The following ADAMTS19 variants were observed in gnomAD, a reference collection of about 807,000 sequenced individuals.
ADAMTS19 encodes ADAM metallopeptidase with thrombospondin type 1 motif 19.
ADAMTS19 carries 93 observed loss-of-function variants against 153.3 expected under a neutral mutation model. That is an observed-to-expected ratio of 0.61 (90% CI 0.51 to 0.72). The LOEUF (loss-of-function observed/expected upper bound fraction) is 0.72, where lower values mean the gene tolerates loss of function less well. Ranked by LOEUF, ADAMTS19 falls within the 30% of genes least tolerant of loss-of-function variation. ADAMTS19 has a pLI of 0.00. For missense variants in ADAMTS19, 1,482 were observed against 1,552.1 expected, an observed-to-expected ratio of 0.95 and a Z score of 0.76; for synonymous variants, 600 against 556.6, an observed-to-expected ratio of 1.08 and a Z score of -1.10.
At chr5:129,574,821 C>A (rs531138374) in intron 7 of ADAMTS19, among the ~76,000 whole-genome samples, 3 of 150,142 alleles carry the variant, frequency 2.0e-5, no homozygotes, top group South Asian at 2.1e-4. Flanking sequence ...AAGTTCCAAT[C>A]AGAAATCAGA....
chr5:129,551,162 G>A (rs1285061571), intron 6 of ADAMTS19, among the ~76,000 whole-genome samples: 1 of 151,574 alleles, frequency 6.6e-6, no homozygotes, highest in African/African-American at 2.4e-5. Flanking sequence ...CACATAGCTA[G>A]TAAGAGGTAG....
intron 2 of ADAMTS19, among the ~76,000 whole-genome samples, chr5:129,474,039 G>C (rs540797199): frequency 6.6e-6 from 1 of 152,080 alleles, no homozygotes; most frequent in South Asian, 2.1e-4. Context: ...CAACTAGAAG[G>C]GTCCCTCATC....
chr5:129,535,416 A>C lies in ADAMTS19; in HGVS notation c.1328+6739A>C, dbSNP rs535524302. ...ACTGCTCAATGAAATAAAAGAGAATACAAACAAATGGAAGAACATTCCATG... is the reference window on the plus strand; with the variant it reads ...ACTGCTCAATGAAATAAAAGAGAATCCAAACAAATGGAAGAACATTCCATG... On this transcript the variant is annotated intron_variant, in intron 6 of 22. Coordinates refer to ENST00000274487, the MANE Select transcript of ADAMTS19 (RefSeq NM_133638.6). Among the ~76,000 whole-genome samples the C allele has an allele frequency of 5.9e-5, 9 of 152,320 alleles. No homozygotes were observed. The South Asian group carries it at 1.5e-3, about 25-fold the overall frequency.
intron 7 of ADAMTS19, among the ~76,000 whole-genome samples, chr5:129,563,989 G>A (rs917640278): frequency 1.3e-5 from 2 of 151,744 alleles, no homozygotes; most frequent in Non-Finnish European, 2.9e-5. Flanking sequence ...GCGCAATCTC[G>A]GCTCACTGGA....
At chr5:129,588,511 T>C (rs1410762739) in intron 7 of ADAMTS19, among the ~76,000 whole-genome samples, 1 of 152,088 alleles carries the variant, frequency 6.6e-6, no homozygotes, top group African/African-American at 2.4e-5. Context: ...TTTCTTTTCA[T>C]CTATTGAATC....
intron 1 of ADAMTS19, chr5:129,460,684 G>A (rs545031572): frequency 3.2e-6 from 2 of 620,688 alleles, no homozygotes; most frequent in Admixed American, 2.8e-5. Flanking sequence ...AACCGTATGT[G>A]GAATAGTTTC....
intron 10 of ADAMTS19, among the ~76,000 whole-genome samples, chr5:129,627,726 C>T (rs1359438631): frequency 6.6e-6 from 1 of 151,922 alleles, no homozygotes; most frequent in Non-Finnish European, 1.5e-5. Flanking sequence ...AAATACATAT[C>T]AAAACGACAA....
chr5:129,658,625 CTGTGATGG>C lies in ADAMTS19; in HGVS notation c.2315_2322del (p.Cys772PhefsTer25). 1.2e-6 allele frequency: 2 copies of C among 1,610,414 alleles called. No individual in the cohort carries two copies. Among genetic ancestry groups the C allele is most frequent in the Non-Finnish European group, 1.7e-6 (2 of 1,178,592 alleles). On this transcript the variant is annotated frameshift_variant, in exon 15 of 23. Transcript: ENST00000274487. LOFTEE classifies it high-confidence loss of function. Reference sequence around the variant, plus strand: ...TCACTCTCTTGTTACAGAAAGTTGGCTGTGATGGTTTATTAGGGTCTCTTGCAAGAGAA... The same window carrying C: ...TCACTCTCTTGTTACAGAAAGTTGGCTTTATTAGGGTCTCTTGCAAGAGAA...
intron 7 of ADAMTS19, among the ~76,000 whole-genome samples, chr5:129,560,532 C>T (rs979347487): frequency 6.6e-6 from 1 of 152,234 alleles, no homozygotes; most frequent in Non-Finnish European, 1.5e-5. Flanking sequence ...GCTCAGAACT[C>T]TTCCCTGCTT....
At chr5:129,557,366 G>C (rs1753350877) in intron 7 of ADAMTS19, among the ~76,000 whole-genome samples, 1 of 152,112 alleles carries the variant, frequency 6.6e-6, no homozygotes, top group African/African-American at 2.4e-5. Flanking sequence ...GGGAGGCTGA[G>C]GCAGGCAGAT....
chr5:129,648,673 T>C, intron 12 of ADAMTS19, 125 bp from the exon 13 acceptor site: 1 of 648,928 alleles, frequency 1.5e-6, no homozygotes, highest in Non-Finnish European at 2.5e-6. Flanking sequence ...ATTTAATGTG[T>C]CCAAGTTTTC....
intron 7 of ADAMTS19, among the ~76,000 whole-genome samples, chr5:129,555,157 A>T (rs1343705408): frequency 2.0e-5 from 3 of 152,020 alleles, no homozygotes; most frequent in African/African-American, 7.2e-5. Context: ...GAAGAAGTGG[A>T]TTTAGTATTT....
At chr5:129,519,439 T>G (rs577991862) in intron 3 of ADAMTS19, among the ~76,000 whole-genome samples, 8 of 152,188 alleles carry the variant, frequency 5.3e-5, no homozygotes, top group Admixed American at 3.9e-4. Context: ...AGCCTGAGGT[T>G]AGGGGAGGGG....
At chr5:129,667,246 A>C (rs1316506464) in intron 16 of ADAMTS19, among the ~76,000 whole-genome samples, 1 of 152,086 alleles carries the variant, frequency 6.6e-6, no homozygotes, top group Non-Finnish European at 1.5e-5. Flanking sequence ...TTGTTTCCAA[A>C]TATTCCCATA....
At chr5:129,633,561 G>A (rs192161077) in intron 10 of ADAMTS19, among the ~76,000 whole-genome samples, 1 of 152,172 alleles carries the variant, frequency 6.6e-6, no homozygotes, top group East Asian at 1.9e-4. Context: ...TGGCAGTATT[G>A]AATAGTTGCA....
chr5:129,579,052 C>A (rs1749361664), intron 7 of ADAMTS19, among the ~76,000 whole-genome samples: 1 of 152,148 alleles, frequency 6.6e-6, no homozygotes, highest in Admixed American at 6.6e-5. Flanking sequence ...GTTTACATTC[C>A]CACCAACAGT....
At position 129,461,639 on chromosome 5, in the gene ADAMTS19, C is replaced by A. The variant is rs772541574; in HGVS notation, c.629C>A (p.Thr210Lys). The A allele has an allele frequency of 9.2e-6, 14 of 1,529,102 alleles. No individual in the cohort carries two copies. Among genetic ancestry groups the A allele is most frequent in the Non-Finnish European group, 1.2e-5 (14 of 1,135,292 alleles). The allele number at this position is 1,529,102 out of a possible 1,614,324, so 94.7% of individuals were successfully genotyped here. ...EQRPNPGPGP[T>K]GAASAPQPPA... The stretch of plus-strand genomic sequence containing the variant: ...CGGCCAAATCCCGGCCCCGGCCCCA[C>A]GGGGGCAGCATCCGCCCCGCAACCT... Residue 210 changes from threonine to lysine, a missense_variant, in exon 2 of 23, where the codon ACG becomes AAG. Around this residue, in one of 2 missense-constraint regions of ADAMTS19, gnomAD observed 866 missense variants for 827.7 expected, o/e 1.05. Transcript: ENST00000274487. The surrounding 1 kb of genome is among the most constrained non-coding windows in gnomAD (Gnocchi z 4.6).
chr5:129,667,441 TG>T (rs1390195417), intron 16 of ADAMTS19, among the ~76,000 whole-genome samples: 4 of 152,214 alleles, frequency 2.6e-5, no homozygotes, highest in African/African-American at 9.6e-5. Flanking sequence ...TGCTAAATTC[TG>T]ATCCTCAATA....
At chr5:129,697,613 A>G (rs796877602) in intron 19 of ADAMTS19, among the ~76,000 whole-genome samples, 88 of 152,352 alleles carry the variant, frequency 5.8e-4, no homozygotes, top group African/African-American at 1.9e-3. Context: ...AAGCTTTTTC[A>G]TGATACAGAG....
Sources: allele counts gnomAD v4.1 joint callset (sites outside exome capture counted in the v4.1 genomes callset), GRCh38; gene constraint gnomAD v4.1.1; regional missense constraint gnomAD v4.1.1; non-coding constraint Gnocchi (gnomAD v3.1); transcripts MANE v1.5; gene names NCBI Gene and HGNC (gene_info 2026-07-23, HGNC 2026-07-21).